The following VPS37A variants were observed in gnomAD, a reference collection of about 807,000 sequenced individuals.
The protein encoded by VPS37A is VPS37A subunit of ESCRT-I.
In VPS37A, 30 loss-of-function variants were observed where a neutral mutation model predicts 49.8. That is an observed-to-expected ratio of 0.60 (90% confidence interval 0.45 to 0.82). The LOEUF is 0.82. Ranked by LOEUF, VPS37A falls within the 40% of genes least tolerant of loss-of-function variation. VPS37A has a pLI of 0.00. For synonymous variants in VPS37A, 195 were observed against 160.6 expected (o/e 1.21, Z -1.62); for missense variants, 593 against 464.4 (o/e 1.28, Z -2.55).
At chr8:17,331,144 G>T in the VPS37A span, 2 of 1,609,766 alleles carry the variant, frequency 1.2e-6, no homozygotes, top group African/African-American at 2.7e-5. Context: ...TAAGGAAATG[G>T]TTTACCTTCC....
the VPS37A span, among the ~76,000 whole-genome samples, chr8:17,317,747 A>T: frequency 6.6e-6 from 1 of 152,084 alleles, no homozygotes; most frequent in Non-Finnish European, 1.5e-5. Flanking sequence ...AAGGATCTGC[A>T]CTTCTATTTA....
intron 4 of VPS37A, among the ~76,000 whole-genome samples, chr8:17,273,497 G>C (rs990565467): frequency 1.3e-5 from 2 of 152,056 alleles, no homozygotes; most frequent in Non-Finnish European, 2.9e-5. Flanking sequence ...CTCCCGAGTA[G>C]CTGGGACTAC....
chr8:17,317,425 C>G, the VPS37A span, among the ~76,000 whole-genome samples: 3 of 152,172 alleles, frequency 2.0e-5, no homozygotes, highest in Admixed American at 6.5e-5. Context: ...ACAGCTGGGG[C>G]AGTAACCATG....
At chr8:17,252,023 C>A (rs1812028349) in intron 1 of VPS37A, among the ~76,000 whole-genome samples, 1 of 152,178 alleles carries the variant, frequency 6.6e-6, no homozygotes, top group Admixed American at 6.5e-5. Flanking sequence ...TGAGGACTCA[C>A]ACACAAACTT....
chr8:17,247,343 C>A lies in VPS37A; in HGVS notation c.99C>A (p.Ile33=), dbSNP rs373895020. The change falls in exon 1 of 12, where the codon ATC becomes ATA. Residue 33 remains isoleucine (I), a synonymous_variant. Coordinates refer to ENST00000324849, the MANE Select transcript of VPS37A (RefSeq NM_152415.3). ...TSLQQQKQRL[I]ESLRNSHSSI... is the part of the protein sequence containing the mutation. The stretch of plus-strand genomic sequence containing the variant: ...TCCAGCAGCAGAAGCAGCGCCTGAT[C>A]GAGTCCCTCCGGAACTCACACTCCA... 6.0e-5 allele frequency: 93 copies of A among 1,545,454 alleles called. No individual in the cohort carries two copies. In the East Asian group the frequency reaches 1.1e-3, roughly 18 times the overall value.
chr8:17,256,873 A>C (rs1812516905), intron 1 of VPS37A, among the ~76,000 whole-genome samples: 1 of 152,006 alleles, frequency 6.6e-6, no homozygotes, highest in East Asian at 1.9e-4. Flanking sequence ...GCTGGTCTCA[A>C]ACTCCTGACC....
intron 6 of VPS37A, among the ~76,000 whole-genome samples, chr8:17,277,007 G>A (rs929225143): frequency 2.0e-5 from 3 of 151,856 alleles, no homozygotes; most frequent in African/African-American, 7.3e-5. Context: ...TTCAGTTTTG[G>A]GAAGCACTGC....
rs576223750 is a variant in VPS37A, at chr8:17,270,807, G to T, written c.416+1851G>T. Among the ~76,000 whole-genome samples the T allele has an allele frequency of 7.8e-4, 119 of 152,272 alleles. 1 individual carries two copies. The highest frequency in any genetic ancestry group is 3.4e-3 in the Middle Eastern group (1 of 294). ...CACACTCCCCTTTCCCCAAGAACTTGCAGAGTTCATCATATTGTAGAATCA... is the reference window on the plus strand; with the variant it reads ...CACACTCCCCTTTCCCCAAGAACTTTCAGAGTTCATCATATTGTAGAATCA... On this transcript the variant is annotated intron_variant, in intron 4 of 11. Transcript: ENST00000324849.
downstream of VPS37A, chr8:17,305,956 A>T (rs144206696): frequency 4.7e-4 from 752 of 1,611,502 alleles, 2 homozygotes; most frequent in Middle Eastern, 2.3e-3. Context: ...AGATTGCCAT[A>T]TCTATAAAAC....
chr8:17,251,554 C>T (rs1811978271), intron 1 of VPS37A, among the ~76,000 whole-genome samples: 1 of 152,126 alleles, frequency 6.6e-6, no homozygotes, highest in Non-Finnish European at 1.5e-5. Flanking sequence ...TTGTAGATCT[C>T]TCATAAGCTT....
chr8:17,313,345 C>T, the VPS37A span: 4 of 1,613,036 alleles, frequency 2.5e-6, no homozygotes, highest in Non-Finnish European at 3.4e-6. Context: ...CTTAACCAGC[C>T]AGAGTTCTCC....
intron 1 of VPS37A, among the ~76,000 whole-genome samples, chr8:17,253,010 A>G (rs773788001): frequency 6.6e-6 from 1 of 152,230 alleles, no homozygotes; most frequent in Non-Finnish European, 1.5e-5. Flanking sequence ...ATTAAGACGT[A>G]TAATTGCAGA....
chr8:17,318,193 G>A, the VPS37A span, among the ~76,000 whole-genome samples: 2 of 152,096 alleles, frequency 1.3e-5, no homozygotes, highest in Non-Finnish European at 2.9e-5. Flanking sequence ...ACATGTTTGG[G>A]ATCCGAACAC....
At chr8:17,300,007 G>A, downstream of VPS37A, 1 of 1,614,136 alleles carries the variant, frequency 6.2e-7, no homozygotes, top group Non-Finnish European at 8.5e-7. Context: ...ATCTGGATCT[G>A]AACTTTTCAG....
chr8:17,321,198 A>G, the VPS37A span, among the ~76,000 whole-genome samples: 29 of 152,356 alleles, frequency 1.9e-4, no homozygotes, highest in East Asian at 4.8e-3. Flanking sequence ...GTTTAAAAAT[A>G]AAGACACTGG....
At chr8:17,309,788 T>G in the VPS37A span, among the ~76,000 whole-genome samples, 2 of 152,174 alleles carry the variant, frequency 1.3e-5, no homozygotes, top group Admixed American at 6.5e-5. Context: ...CTCAGTGTAA[T>G]GTAAATTACC....
chr8:17,300,101 A>C, downstream of VPS37A: 2 of 1,614,154 alleles, frequency 1.2e-6, no homozygotes, highest in Non-Finnish European at 1.7e-6. Context: ...TTCCCACTGT[A>C]ATCCTGGGGA....
At chr8:17,326,933 TAAAG>T in the VPS37A span, among the ~76,000 whole-genome samples, 140 of 152,276 alleles carry the variant, frequency 9.2e-4, no homozygotes, top group African/African-American at 3.2e-3. Flanking sequence ...ATTTTGTAAA[TAAAG>T]AGGGAAAAAG....
downstream of VPS37A, chr8:17,304,268 G>A (rs1224744213): frequency 2.4e-6 from 3 of 1,232,532 alleles, no homozygotes; most frequent in African/African-American, 3.0e-5. Context: ...TGTCTTTTGT[G>A]TCCAATAAAA....
Sources: gnomAD v4.1 joint callset for allele counts (sites outside exome capture counted in the v4.1 genomes callset) on GRCh38, gnomAD v4.1.1 for gene constraint, MANE v1.5 for transcripts, NCBI Gene and HGNC (gene_info 2026-07-23, HGNC 2026-07-21) for gene names.